TRPM8: variants seen among roughly 807,000 people sequenced by gnomAD.
TRPM8 encodes TRPM8 cationic channel.
A neutral mutation model predicts 133.7 loss-of-function variants in TRPM8; 110 were observed. The observed-to-expected ratio is 0.82, with a 90% CI of 0.70 to 0.96. The LOEUF is 0.96. Ranked by LOEUF, TRPM8 falls within the 40% of genes least tolerant of loss-of-function variation. TRPM8 has a pLI of 0.00. For missense variants in TRPM8, 1,291 were observed against 1,379.5 expected (o/e 0.94, Z 1.02); for synonymous variants, 535 against 532.3 (o/e 1.01, Z -0.07).
At chr2:233,969,317 A>G (rs1293257610) in intron 15 of TRPM8, among the ~76,000 whole-genome samples, 2 of 141,082 alleles carry the variant, frequency 1.4e-5, no homozygotes, top group Non-Finnish European at 3.0e-5. Context: ...GTCACTACCA[A>G]AAATACAAAA....
At position 233,926,507 on chromosome 2, in the gene TRPM8, C is replaced by T. The variant is rs759277650; in HGVS notation, c.-5-26C>T. The T allele has an allele frequency of 3.2e-6, 5 of 1,574,746 alleles. No individual in the cohort carries two copies. The East Asian group carries it at 1.1e-4, about 35-fold the overall frequency. On this transcript the variant is annotated intron_variant, in intron 1 of 25. Transcript: ENST00000324695. Reference sequence around the variant, plus strand: ...GCCCTGTTACTGTTTGTAACCCAAACTTATCCCCTCCAACCATCGTCACAG... The same window carrying T: ...GCCCTGTTACTGTTTGTAACCCAAATTTATCCCCTCCAACCATCGTCACAG...
intron 25 of TRPM8, 34 bp downstream of exon 25, chr2:234,014,688 G>A (rs201264185): frequency 5.7e-5 from 44 of 776,964 alleles, no homozygotes; most frequent in Non-Finnish European, 7.4e-5. Context: ...ACTTTGCTCT[G>A]AAGATTTGCA....
chr2:233,957,208 G>A (rs1287796513), intron 11 of TRPM8, among the ~76,000 whole-genome samples: 1 of 152,120 alleles, frequency 6.6e-6, no homozygotes, highest in Non-Finnish European at 1.5e-5. Flanking sequence ...ATATTTGGCT[G>A]GTCATAGAGG....
At chr2:233,983,887 C>T (rs1222583870) in intron 20 of TRPM8, among the ~76,000 whole-genome samples, 2 of 152,140 alleles carry the variant, frequency 1.3e-5, no homozygotes, top group African/African-American at 4.8e-5. Context: ...GTTCTTTGTT[C>T]CTGTTGTTTT....
chr2:233,998,734 AG>A (rs1350008080), intron 22 of TRPM8, among the ~76,000 whole-genome samples: 1 of 149,152 alleles, frequency 6.7e-6, no homozygotes, highest in Non-Finnish European at 1.5e-5. Flanking sequence ...TTAGAGTGCC[AG>A]CTTGTGCCCA....
intron 14 of TRPM8, 50 bp from the exon 15 acceptor site, chr2:233,966,560 G>T: frequency 1.9e-6 from 3 of 1,610,478 alleles, no homozygotes; most frequent in Non-Finnish European, 2.5e-6. Context: ...GACAGTTTCG[G>T]TCATGTGCAG....
intron 11 of TRPM8, among the ~76,000 whole-genome samples, chr2:233,959,740 G>A (rs1574726126): frequency 6.6e-6 from 1 of 152,248 alleles, no homozygotes; most frequent in East Asian, 1.9e-4. Context: ...ATGACTGAGA[G>A]CTGGAGTGGC....
Position 233,989,806 on chromosome 2 carries a change from G to C in TRPM8, c.2939+3941G>C, listed in dbSNP as rs1201747237. Among the ~76,000 whole-genome samples, 3 of 151,998 alleles carry C rather than the reference G, an allele frequency of 2.0e-5. No individual in the cohort carries two copies. Among genetic ancestry groups the C allele is most frequent in the African/African-American group, 7.2e-5 (3 of 41,380 alleles). On this transcript the variant is annotated intron_variant, in intron 21 of 25. Coordinates refer to ENST00000324695, the MANE Select transcript of TRPM8 (RefSeq NM_024080.5). This position sits in a 1 kb window ranked among gnomAD's most constrained non-coding sequence, Gnocchi z 4.2. ...TCTACATTAAAATTATCGATCACAG[G>C]GCCTGTGTGGCTTATCAGCGGCAGG...
chr2:233,982,270 T>A (rs986000222), intron 19 of TRPM8, among the ~76,000 whole-genome samples: 2 of 152,006 alleles, frequency 1.3e-5, no homozygotes, highest in African/African-American at 4.8e-5. Flanking sequence ...CAAGGAGGAG[T>A]GTTTGTCTAG....
intron 21 of TRPM8, among the ~76,000 whole-genome samples, chr2:233,992,895 A>T (rs192634500): frequency 6.6e-6 from 1 of 152,336 alleles, no homozygotes. Context: ...TGCAGAGTTC[A>T]GTCTCCCCTT....
chr2:233,939,354 A>T (rs996423591), intron 5 of TRPM8, among the ~76,000 whole-genome samples, 179 bp downstream of exon 5: 14 of 152,266 alleles, frequency 9.2e-5, no homozygotes, highest in Admixed American at 7.8e-4. Context: ...GCTCTGGCAG[A>T]TAGCGGGGGA....
At chr2:233,974,552 C>T (rs1042166070) in intron 17 of TRPM8, among the ~76,000 whole-genome samples, 22 of 152,202 alleles carry the variant, frequency 1.4e-4, no homozygotes, top group Admixed American at 8.5e-4. Context: ...TTTGACTGGT[C>T]TGTGGAAATT....
At chr2:234,004,303 G>A (rs548011660) in intron 22 of TRPM8, among the ~76,000 whole-genome samples, 1 of 152,242 alleles carries the variant, frequency 6.6e-6, no homozygotes, top group Non-Finnish European at 1.5e-5. Context: ...TGGTGTGGCA[G>A]TAATGGGACA....
At position 233,960,826 on chromosome 2, in the gene TRPM8, C is replaced by T. The variant is rs745968422; in HGVS notation, c.1413C>T (p.Pro471=). ...VMFTALIKDR[P]KFVRLFLENG... Reference sequence around the variant, plus strand: ...TTACGGCTCTCATAAAGGACAGACCCAAGTTTGTCCGCCTCTTTCTGGAGA... The same window carrying T: ...TTACGGCTCTCATAAAGGACAGACCTAAGTTTGTCCGCCTCTTTCTGGAGA... Residue 471 remains proline (P), a synonymous_variant, in exon 12 of 26, where the codon CCC becomes CCT. Coordinates refer to ENST00000324695, the MANE Select transcript of TRPM8 (RefSeq NM_024080.5). The T allele has an allele frequency of 3.1e-6, 5 of 1,613,946 alleles. No homozygotes were observed. In the African/African-American group the frequency reaches 6.7e-5, roughly 22 times the overall value.
Position 233,981,766 on chromosome 2 carries a change from C to A in TRPM8, c.2448-8C>A, listed in dbSNP as rs570358294. The stretch of plus-strand genomic sequence containing the variant: ...TCTCATGAATTCTGTTCCTTCTTTT[C>A]CCCCTAGGCTCCACTCTTCTAATAA... On this transcript the variant is annotated splice_polypyrimidine_tract_variant and splice_region_variant and intron_variant, in intron 18 of 25. Transcript: ENST00000324695. 6.3e-7 allele frequency: 1 copy of A among 1,589,848 alleles called. No individual in the cohort carries two copies. Among genetic ancestry groups the A allele is most frequent in the East Asian group, 2.2e-5 (1 of 44,600 alleles).
At chr2:233,939,334 T>G (rs776563982) in intron 5 of TRPM8, among the ~76,000 whole-genome samples, 159 bp downstream of exon 5, 1 of 152,228 alleles carries the variant, frequency 6.6e-6, no homozygotes, top group African/African-American at 2.4e-5. Context: ...CTCAAATGAA[T>G]GGACACGGAG....
At chr2:233,947,480 T>G (rs1419847534) in intron 8 of TRPM8, 2 of 1,340,082 alleles carry the variant, frequency 1.5e-6, no homozygotes, top group Admixed American at 2.2e-5. Flanking sequence ...ATGGCCAACC[T>G]ATCTGCATTG....
intron 17 of TRPM8, among the ~76,000 whole-genome samples, chr2:233,974,077 G>C (rs1178505272): frequency 1.3e-5 from 2 of 152,192 alleles, no homozygotes; most frequent in Non-Finnish European, 2.9e-5. Context: ...GGGTGAGATT[G>C]GGGGTTTTGT....
At chr2:234,006,264 G>T (rs1692692415) in intron 22 of TRPM8, among the ~76,000 whole-genome samples, 1 of 152,136 alleles carries the variant, frequency 6.6e-6, no homozygotes, top group African/African-American at 2.4e-5. Flanking sequence ...TCTTCTGAAA[G>T]GCTCAGGCAC....
Sources: allele counts gnomAD v4.1 joint callset (sites outside exome capture counted in the v4.1 genomes callset), GRCh38; gene constraint gnomAD v4.1.1; non-coding constraint Gnocchi (gnomAD v3.1); transcripts MANE v1.5; gene names NCBI Gene and HGNC (gene_info 2026-07-23, HGNC 2026-07-21).